Variants in RAD51B observed in about 807,000 individuals in gnomAD.
The protein encoded by RAD51B is RAD51 paralog B.
RAD51B carries 38 observed loss-of-function variants against 42.2 expected under a neutral mutation model. That is an observed-to-expected ratio of 0.90 (90% CI 0.70 to 1.18). The LOEUF (loss-of-function observed/expected upper bound fraction) is 1.18, where lower values mean the gene tolerates loss of function less well. Ranked by LOEUF, RAD51B falls within the 50% of genes most tolerant of loss-of-function variation. RAD51B has a pLI of 0.00. For synonymous variants in RAD51B, 154 were observed against 145.2 expected, an observed-to-expected ratio of 1.06 and a Z score of -0.43; for missense variants, 373 against 400.7, an observed-to-expected ratio of 0.93 and a Z score of 0.59.
At chr14:68,166,139 A>G (rs2078744784) in intron 7 of RAD51B, among the ~76,000 whole-genome samples, 1 of 147,878 alleles carries the variant, frequency 6.8e-6, no homozygotes. Context: ...TTAATGGCCT[A>G]CTGGAAGACC....
In RAD51B at chr14:67,937,405, G is replaced by A. The variant is rs10450890; in HGVS notation, c.756+50201G>A. On this transcript the variant is annotated intron_variant, in intron 7 of 10. Transcript: ENST00000471583. ...AGATATACTGTTAGAGATATAGCTA[G>A]AAATAAAACCAACCGGTTCTAGCAG... 8.9e-3 allele frequency among the ~76,000 whole-genome samples: 1,350 copies of A among 152,298 alleles called. 21 individuals are homozygous for A. The highest frequency in any genetic ancestry group is 0.031 in the African/African-American group (1,271 of 41,560).
rs542703651 is a variant in RAD51B, at chr14:68,617,493, A to G, written c.1037-33288A>G. On this transcript the variant is annotated intron_variant, in intron 10 of 11. Coordinates refer to the RAD51B transcript ENST00000488612. ...GCTTCACTCTGGGTATGAACATCTT[A>G]GTATTAAGCACTCAACAGGGCACTT... Among the ~76,000 whole-genome samples, 443 of 152,330 alleles carry G rather than the reference A, an allele frequency of 2.9e-3. 1 individual carries two copies. Among genetic ancestry groups the G allele is most frequent in the Non-Finnish European group, 4.2e-3 (284 of 68,038 alleles).
chr14:67,955,225 G>T (rs1225718768), intron 7 of RAD51B, among the ~76,000 whole-genome samples: 3 of 152,070 alleles, frequency 2.0e-5, no homozygotes, highest in Admixed American at 6.6e-5. Flanking sequence ...TCCATGAAAG[G>T]CTGCATTCAG....
intron 4 of RAD51B, among the ~76,000 whole-genome samples, chr14:67,844,900 C>T (rs534743074): frequency 5.0e-4 from 76 of 151,994 alleles, no homozygotes; most frequent in South Asian, 1.9e-3. Flanking sequence ...GGTTTAAAGT[C>T]GGCTTTGTCT....
intron 7 of RAD51B, among the ~76,000 whole-genome samples, chr14:68,094,065 T>G (rs1037353888): frequency 6.6e-6 from 1 of 152,220 alleles, no homozygotes; most frequent in Non-Finnish European, 1.5e-5. Flanking sequence ...TGGTATTTAA[T>G]TTTAAGTTGC....
At chr14:68,200,473 T>C (rs994303361) in intron 7 of RAD51B, among the ~76,000 whole-genome samples, 1 of 152,188 alleles carries the variant, frequency 6.6e-6, no homozygotes, top group African/African-American at 2.4e-5. Flanking sequence ...TATGGAAAAT[T>C]CTTGAACAGA....
chr14:68,333,262 C>T (rs553148510), intron 8 of RAD51B, among the ~76,000 whole-genome samples: 5 of 150,420 alleles, frequency 3.3e-5, no homozygotes, highest in East Asian at 4.6e-4. Flanking sequence ...GAAAAATAGA[C>T]GAGGGATATA....
chr14:68,479,667 CTTTTT>C (rs34999023), downstream of RAD51B, among the ~76,000 whole-genome samples: 2 of 96,440 alleles, frequency 2.1e-5, no homozygotes, highest in Non-Finnish European at 4.0e-5. Flanking sequence ...TCTTATTCTT[CTTTTT>C]TTTTTTTTTT....
chr14:68,031,878 C>G (rs2076049598), intron 7 of RAD51B, among the ~76,000 whole-genome samples: 1 of 152,198 alleles, frequency 6.6e-6, no homozygotes, highest in Non-Finnish European at 1.5e-5. Flanking sequence ...TCCTCTGTTG[C>G]TTCTGCTCTG....
rs1215432159 is a variant in RAD51B, at chr14:68,048,000, G to C, written c.756+160796G>C. Reference sequence around the variant, plus strand: ...GTGGAAAAGTCTTATCAGAAGAAAGGCTGCTTTGAAAACGATATGGAAATA... The same window carrying C: ...GTGGAAAAGTCTTATCAGAAGAAAGCCTGCTTTGAAAACGATATGGAAATA... On this transcript the variant is annotated intron_variant, in intron 7 of 10. Transcript: ENST00000471583. Among the ~76,000 whole-genome samples, 5 of 152,236 alleles carry C rather than the reference G, an allele frequency of 3.3e-5. No homozygotes were observed. In the South Asian group the frequency reaches 1.0e-3, roughly 32 times the overall value.
At chr14:68,252,884 C>T (rs764888210) in intron 7 of RAD51B, among the ~76,000 whole-genome samples, 1 of 152,008 alleles carries the variant, frequency 6.6e-6, no homozygotes, top group Non-Finnish European at 1.5e-5. Context: ...AGTTCGAGAC[C>T]AGCCTAGCCA....
chr14:68,167,372 G>A (rs1399360787), intron 7 of RAD51B, among the ~76,000 whole-genome samples: 1 of 151,956 alleles, frequency 6.6e-6, no homozygotes, highest in African/African-American at 2.4e-5. Flanking sequence ...CTCCCTCCTT[G>A]TATCCCATCA....
At chr14:68,379,176 C>G (rs1038167227) in intron 8 of RAD51B, among the ~76,000 whole-genome samples, 1 of 152,170 alleles carries the variant, frequency 6.6e-6, no homozygotes, top group Admixed American at 6.5e-5. Flanking sequence ...AAATAGCTAG[C>G]TACTCTCACC....
Position 67,999,221 on chromosome 14 carries a change from A to T in RAD51B, c.756+112017A>T, listed in dbSNP as rs144134966. On this transcript the variant is annotated intron_variant, in intron 7 of 10. Coordinates refer to ENST00000471583, the MANE Select transcript of RAD51B (RefSeq NM_133510.4). ...CAGTTTTTTCAGTGTTTACAGTAGGACAGATCTGGTACTAGTTATTCTGTT... is the reference window on the plus strand; with the variant it reads ...CAGTTTTTTCAGTGTTTACAGTAGGTCAGATCTGGTACTAGTTATTCTGTT... 9.5e-4 allele frequency among the ~76,000 whole-genome samples: 145 copies of T among 152,120 alleles called. 1 individual carries two copies. The highest frequency in any genetic ancestry group is 3.2e-3 in the African/African-American group (134 of 41,494).
chr14:67,834,608 C>T (rs944365432), intron 3 of RAD51B, among the ~76,000 whole-genome samples: 3 of 152,134 alleles, frequency 2.0e-5, no homozygotes, highest in African/African-American at 7.2e-5. Context: ...TGTATATTTA[C>T]AGTTTGTGTT....
Position 68,441,673 on chromosome 14 carries a change from G to C in RAD51B, c.958-26499G>C, listed in dbSNP as rs556914530. 2.8e-3 allele frequency among the ~76,000 whole-genome samples: 426 copies of C among 151,660 alleles called. 1 individual carries two copies. The highest frequency in any genetic ancestry group is 4.6e-3 in the Non-Finnish European group (311 of 67,922). Reference sequence around the variant, plus strand: ...GCAAAAAAGATAATGTTATTCTAAAGTAAAATTCTAGCTCTGTTTCTAATT... The same window carrying C: ...GCAAAAAAGATAATGTTATTCTAAACTAAAATTCTAGCTCTGTTTCTAATT... On this transcript the variant is annotated intron_variant, in intron 9 of 10. Coordinates refer to ENST00000471583, the MANE Select transcript of RAD51B (RefSeq NM_133510.4).
intron 7 of RAD51B, among the ~76,000 whole-genome samples, chr14:68,137,236 A>C (rs1476066029): frequency 6.6e-6 from 1 of 152,212 alleles, no homozygotes; most frequent in Non-Finnish European, 1.5e-5. Flanking sequence ...AGACCACGCC[A>C]CTGCACTCCT....
intron 7 of RAD51B, among the ~76,000 whole-genome samples, chr14:68,082,784 T>G (rs2076931199): frequency 6.6e-6 from 1 of 152,188 alleles, no homozygotes; most frequent in Non-Finnish European, 1.5e-5. Flanking sequence ...CTAATGTTGT[T>G]TTCTTAGTTT....
At chr14:68,113,077 G>A (rs1423508720) in intron 7 of RAD51B, among the ~76,000 whole-genome samples, 3 of 151,980 alleles carry the variant, frequency 2.0e-5, no homozygotes, top group Admixed American at 6.6e-5. Context: ...TTAAAAATAC[G>A]AAATTGGTTT....
Sources: allele counts gnomAD v4.1 joint callset (sites outside exome capture counted in the v4.1 genomes callset), GRCh38; gene constraint gnomAD v4.1.1; transcripts MANE v1.5; gene names NCBI Gene and HGNC (gene_info 2026-07-23, HGNC 2026-07-21).